Variants in TCTN2 observed in about 807,000 individuals in gnomAD.
The protein encoded by TCTN2 is tectonic family member 2, also known as tectonic-2.
A neutral mutation model predicts 83.4 loss-of-function variants in TCTN2; 66 were observed. The ratio of observed to expected loss-of-function variants is 0.79; its 90% CI spans 0.65 to 0.97. The LOEUF is 0.97. TCTN2 is among the 50% of genes least tolerant of loss of function. The probability of loss-of-function intolerance (pLI) is 0.00; values close to 1 mark genes in which losing one functional copy is unlikely to be tolerated. For synonymous variants in TCTN2, 301 were observed against 326.7 expected (o/e 0.92, Z 0.85); for missense variants, 794 against 858.1 (o/e 0.93, Z 0.93).
At position 123,697,213 on chromosome 12, in the gene TCTN2, G is replaced by A. The variant is rs1479700077; in HGVS notation, c.1505+15G>A. The A allele has an allele frequency of 6.5e-7, 1 of 1,549,900 alleles. No homozygotes were observed. The highest frequency in any genetic ancestry group is 8.9e-7 in the Non-Finnish European group (1 of 1,121,444). ...ACTCAGCTCAGGTGAGTGTTTCATTGATGAATATATCGGCAATGTGAATGG... is the reference window on the plus strand; with the variant it reads ...ACTCAGCTCAGGTGAGTGTTTCATTAATGAATATATCGGCAATGTGAATGG... On this transcript the variant is annotated intron_variant, in intron 13 of 17. Coordinates refer to ENST00000303372, the MANE Select transcript of TCTN2 (RefSeq NM_024809.5).
chr12:123,690,725 A>C (rs530494311), intron 8 of TCTN2, 51 bp downstream of exon 8: 2 of 1,599,870 alleles, frequency 1.3e-6, no homozygotes, highest in African/African-American at 2.7e-5. Flanking sequence ...ATGAATATAA[A>C]GTATGATCTC....
At chr12:123,700,417 C>A (rs748597637) in intron 14 of TCTN2, among the ~76,000 whole-genome samples, 2 of 151,952 alleles carry the variant, frequency 1.3e-5, no homozygotes, top group African/African-American at 2.4e-5. Flanking sequence ...TTGCTTGAGG[C>A]CAGTTTTTTT....
At chr12:123,679,370 T>C in intron 5 of TCTN2, 81 bp downstream of exon 5, 1 of 1,303,130 alleles carries the variant, frequency 7.7e-7, no homozygotes, top group Non-Finnish European at 1.1e-6. Flanking sequence ...TTTTTCATTT[T>C]TTATTTCTTG....
chr12:123,695,109 C>T lies in TCTN2; in HGVS notation c.1235-111C>T, dbSNP rs79839309. Reference sequence around the variant, plus strand: ...TTATGTGCATTTATGATTTAATTAACGAGAGTACACTTTGTATGACAAAAT... The same window carrying T: ...TTATGTGCATTTATGATTTAATTAATGAGAGTACACTTTGTATGACAAAAT... On this transcript the variant is annotated intron_variant, in intron 10 of 17. Coordinates refer to ENST00000303372, the MANE Select transcript of TCTN2 (RefSeq NM_024809.5). 4,436 of 1,422,082 alleles carry T rather than the reference C, an allele frequency of 3.1e-3. 94 individuals carry two copies. The Admixed American group carries it at 0.043, about 14-fold the overall frequency. The allele number at this position is 1,422,082 out of a possible 1,614,324, so 88.1% of individuals were successfully genotyped here. A position where few individuals can be genotyped will look rare whatever the true frequency, so the allele number is the denominator to read the frequency against.
intron 4 of TCTN2, among the ~76,000 whole-genome samples, chr12:123,677,877 G>A (rs534303114): frequency 1.3e-5 from 2 of 152,030 alleles, no homozygotes; most frequent in South Asian, 4.2e-4. Context: ...TGATTCCCCC[G>A]CCTTGGCCTC....
At chr12:123,706,910 T>C in intron 16 of TCTN2, 59 bp downstream of exon 16, 1 of 1,614,004 alleles carries the variant, frequency 6.2e-7, no homozygotes, top group Non-Finnish European at 8.5e-7. Flanking sequence ...ATTTGAAAAT[T>C]GGAAGTTTAT....
chr12:123,680,370 C>G (rs894288189), intron 5 of TCTN2, among the ~76,000 whole-genome samples: 4 of 139,146 alleles, frequency 2.9e-5, no homozygotes, highest in African/African-American at 1.1e-4. Flanking sequence ...AAAAAAAAAT[C>G]ACACAACTTT....
intron 17 of TCTN2, chr12:123,707,366 C>T: frequency 1.6e-6 from 1 of 625,370 alleles, no homozygotes; most frequent in Non-Finnish European, 2.8e-6. Context: ...CGTGCCTCAG[C>T]CTTTGGAGTA....
chr12:123,674,383 G>T (rs902072022), intron 4 of TCTN2, among the ~76,000 whole-genome samples: 1 of 152,034 alleles, frequency 6.6e-6, no homozygotes, highest in African/African-American at 2.4e-5. Flanking sequence ...CGATTCTCCT[G>T]CCTCAGCCTC....
chr12:123,704,183 T>G (rs1956203112), intron 14 of TCTN2, among the ~76,000 whole-genome samples: 1 of 151,946 alleles, frequency 6.6e-6, no homozygotes, highest in African/African-American at 2.4e-5. Context: ...ATTTTTATAC[T>G]TTTAGTAGAG....
rs769556542 is a variant in TCTN2 at position 123,672,071 on chromosome 12, C to T, written c.206C>T (p.Pro69Leu). The T allele has an allele frequency of 1.9e-6, 3 of 1,613,946 alleles. No individual in the cohort carries two copies. The highest frequency in any genetic ancestry group is 2.2e-5 in the East Asian group (1 of 44,886). ...LQDEAGILPI[P>L]TCGVLNNETE... ...CTTTCTTTAGGAATATTGCCAATTC[C>T]GACGTGTGGAGTGCTGAACAATGAG... Residue 69 changes from proline to leucine, a missense_variant, in exon 3 of 18, where the codon CCG (proline) becomes CTG (leucine). Transcript: ENST00000303372.
chr12:123,707,856 A>G lies in TCTN2; in HGVS notation c.*143A>G. On this transcript the variant is annotated 3_prime_UTR_variant, in exon 18 of 18. Transcript: ENST00000303372. ...CCTCCGGAGAACTGGGATTACAGGC[A>G]TGCACCACCACGCCCGGCTAATTTT... The G allele has an allele frequency of 5.7e-6, 4 of 702,630 alleles. No homozygotes were observed. Among genetic ancestry groups the G allele is most frequent in the South Asian group, 4.5e-5 (3 of 66,486 alleles). The allele number at this position is 702,630 out of a possible 1,614,324, so 43.5% of individuals were successfully genotyped here. A position where few individuals can be genotyped will look rare whatever the true frequency, so the allele number is the denominator to read the frequency against.
Position 123,671,321 on chromosome 12 carries a change from G to C in TCTN2, c.81G>C (p.Leu27=), listed in dbSNP as rs1468052147. The change falls in exon 1 of 18, where the codon CTG becomes CTC. Residue 27 remains leucine, a splice_region_variant and synonymous_variant. Coordinates refer to ENST00000303372, the MANE Select transcript of TCTN2 (RefSeq NM_024809.5). ...TCCTGAGGCTTCTGTGGGGGGACCT[G>C]GGTGTGTACGGCGCGGCAGTGACCT... The part of the protein sequence containing the change: ...QGILRLLWGD[L]AFIPPFIRMS... 1.2e-6 allele frequency: 2 copies of C among 1,613,606 alleles called. No homozygotes were observed. The highest frequency in any genetic ancestry group is 3.3e-5 in the Admixed American group (2 of 59,954).
chr12:123,679,308 GGGC>G lies in TCTN2; in HGVS notation c.564+20_564+22del. 6.2e-7 allele frequency: 1 copy of G among 1,606,496 alleles called. No individual in the cohort carries two copies. Among genetic ancestry groups the G allele is most frequent in the Non-Finnish European group, 8.5e-7 (1 of 1,173,416 alleles). On this transcript the variant is annotated intron_variant, in intron 5 of 17. Coordinates refer to ENST00000303372, the MANE Select transcript of TCTN2 (RefSeq NM_024809.5). ...TGACCAGGTATGTTCTTTGGTTATTGGGCACAAAAGTTATGCTACCTGTGAGAA... is the reference window on the plus strand; with the variant it reads ...TGACCAGGTATGTTCTTTGGTTATTGACAAAAGTTATGCTACCTGTGAGAA...
At chr12:123,676,854 A>C (rs1384220442) in intron 4 of TCTN2, among the ~76,000 whole-genome samples, 1 of 152,194 alleles carries the variant, frequency 6.6e-6, no homozygotes, top group Non-Finnish European at 1.5e-5. Flanking sequence ...CTATTTGTAT[A>C]ACACATAGTA....
chr12:123,678,909 T>A (rs1955858701), intron 4 of TCTN2, among the ~76,000 whole-genome samples: 2 of 151,954 alleles, frequency 1.3e-5, no homozygotes, highest in Admixed American at 1.3e-4. Context: ...ACCATTCTCC[T>A]GTCTCAGCCT....
At chr12:123,680,160 C>G (rs1955879313) in intron 5 of TCTN2, among the ~76,000 whole-genome samples, 1 of 151,786 alleles carries the variant, frequency 6.6e-6, no homozygotes, top group African/African-American at 2.4e-5. Context: ...TGAGACCAGC[C>G]TGACCAACAT....
intron 6 of TCTN2, among the ~76,000 whole-genome samples, chr12:123,687,395 C>T (rs900501786): frequency 6.6e-5 from 10 of 152,192 alleles, no homozygotes; most frequent in Non-Finnish European, 1.2e-4. Context: ...CGGTGGCTCA[C>T]GCCTGTAATC....
At position 123,699,692 on chromosome 12, in the gene TCTN2, A is replaced by T. The variant is rs1956149492; in HGVS notation, c.1506-12A>T. 6.2e-7 allele frequency: 1 copy of T among 1,606,672 alleles called. No homozygotes were observed. ...CTGGCCATGAGCTGAGAAATGTCTT[A>T]CTCTCTTGCAGGGAGAATGCTGTTG... On this transcript the variant is annotated splice_polypyrimidine_tract_variant and intron_variant, in intron 13 of 17. Transcript: ENST00000303372.
Sources: gnomAD v4.1 joint callset for allele counts (sites outside exome capture counted in the v4.1 genomes callset) on GRCh38, gnomAD v4.1.1 for gene constraint, MANE v1.5 for transcripts, NCBI Gene and HGNC (gene_info 2026-07-23, HGNC 2026-07-21) for gene names.